The following ENPP2 variants were observed in gnomAD, a reference collection of about 807,000 sequenced individuals.
The protein encoded by ENPP2 is ectonucleotide pyrophosphatase/phosphodiesterase 2, also known as autotaxin.
ENPP2 carries 51 observed loss-of-function variants against 120.2 expected under a neutral mutation model. The ratio of observed to expected loss-of-function variants is 0.42; its 90% CI spans 0.34 to 0.54. ENPP2 has a LOEUF of 0.54. Among genes scored for constraint, ENPP2 ranks in the 20% least tolerant of loss-of-function variants. ENPP2 has a pLI of 0.04. For synonymous variants in ENPP2, 365 were observed against 366.4 expected (o/e 1.00, Z 0.04); for missense variants, 920 against 1,066.5 (o/e 0.86, Z 1.91).
At position 119,590,599 on chromosome 8, in the gene ENPP2, C is replaced by A. The variant is rs1247272844; in HGVS notation, c.1113G>T (p.Glu371Asp). 5 of 1,588,696 alleles carry A rather than the reference C, an allele frequency of 3.1e-6. No individual in the cohort carries two copies. Among genetic ancestry groups the A allele is most frequent in the Non-Finnish European group, 4.3e-6 (5 of 1,166,610 alleles). ...GMEDVTCDRT[E>D]FLSNYLTNVD... ...CATTAGTTAGGTAATTACTCAAGAA[C>A]TCAGTTCTATCACATGTGACATCTT... Residue 371 changes from glutamate to aspartate, a missense_variant, in exon 13 of 25, where the codon GAG becomes GAT. Coordinates refer to ENST00000075322, the MANE Select transcript of ENPP2 (RefSeq NM_001040092.3).
intron 9 of ENPP2, among the ~76,000 whole-genome samples, chr8:119,603,258 A>G (rs1241249388): frequency 6.6e-6 from 1 of 151,796 alleles, no homozygotes; most frequent in Non-Finnish European, 1.5e-5. Flanking sequence ...GAGCCTTTTC[A>G]TTATACTTTA....
At chr8:119,664,974 G>A (rs936927774) in intron 1 of ENPP2, among the ~76,000 whole-genome samples, 2 of 152,180 alleles carry the variant, frequency 1.3e-5, no homozygotes, top group African/African-American at 4.8e-5. Flanking sequence ...TGAGATCAAG[G>A]TGTCGGGCAG....
At chr8:119,653,352 G>A (rs571850663) in intron 1 of ENPP2, among the ~76,000 whole-genome samples, 30 of 152,290 alleles carry the variant, frequency 2.0e-4, no homozygotes, top group African/African-American at 6.3e-4. Context: ...AGAAAATAAC[G>A]TCAAGTAGCT....
intron 11 of ENPP2, chr8:119,595,896 C>T (rs1813860524): frequency 6.2e-7 from 1 of 1,613,878 alleles, no homozygotes; most frequent in African/African-American, 1.3e-5. Flanking sequence ...ATGTATTTTT[C>T]TTCTTCTTTT....
At chr8:119,615,782 T>C (rs542409344) in intron 8 of ENPP2, among the ~76,000 whole-genome samples, 1 of 152,304 alleles carries the variant, frequency 6.6e-6, no homozygotes, top group Non-Finnish European at 1.5e-5. Context: ...ACACTTCTCT[T>C]TTTTATTATA....
At chr8:119,623,215 C>T (rs1816030126) in intron 3 of ENPP2, among the ~76,000 whole-genome samples, 1 of 152,074 alleles carries the variant, frequency 6.6e-6, no homozygotes, top group Admixed American at 6.6e-5. Context: ...TCTGTAATCC[C>T]AGCACTTTGG....
At chr8:119,601,785 CT>C (rs1172706261) in intron 9 of ENPP2, among the ~76,000 whole-genome samples, 1 of 152,154 alleles carries the variant, frequency 6.6e-6, no homozygotes, top group Non-Finnish European at 1.5e-5. Context: ...GTCATTTATT[CT>C]GTCGAGCCTT....
chr8:119,577,946 T>C (rs1336893246), intron 19 of ENPP2, among the ~76,000 whole-genome samples: 2 of 152,232 alleles, frequency 1.3e-5, no homozygotes, highest in African/African-American at 2.4e-5. Context: ...GTAACCTTAC[T>C]AACTATAGCT....
intron 2 of ENPP2, among the ~76,000 whole-genome samples, chr8:119,636,452 G>A (rs539589829): frequency 1.8e-3 from 276 of 152,250 alleles, no homozygotes; most frequent in African/African-American, 6.1e-3. Context: ...TGTATTCTAA[G>A]ACTAAGCTTC....
intron 1 of ENPP2, among the ~76,000 whole-genome samples, chr8:119,657,297 T>G (rs910080740): frequency 6.6e-6 from 1 of 152,192 alleles, no homozygotes; most frequent in East Asian, 1.9e-4. Flanking sequence ...CCACATAGTC[T>G]GTGGTAGAGA....
At chr8:119,643,427 T>C (rs541945144), upstream of ENPP2, among the ~76,000 whole-genome samples, 29 of 152,312 alleles carry the variant, frequency 1.9e-4, no homozygotes, top group African/African-American at 6.7e-4. Context: ...GAACAGCATA[T>C]ACCTGTTCAA....
At chr8:119,629,672 A>G (rs1478281900) in intron 2 of ENPP2, among the ~76,000 whole-genome samples, 1 of 152,232 alleles carries the variant, frequency 6.6e-6, no homozygotes, top group African/African-American at 2.4e-5. Flanking sequence ...TTAGAAAATA[A>G]TATTCATTTC....
intron 19 of ENPP2, chr8:119,572,178 T>C: frequency 6.4e-7 from 1 of 1,551,058 alleles, no homozygotes; most frequent in Non-Finnish European, 8.7e-7. Context: ...AACCAAACCT[T>C]TTCTAGGTTC....
chr8:119,609,808 C>G (rs1051464945), intron 8 of ENPP2, among the ~76,000 whole-genome samples: 6 of 152,176 alleles, frequency 3.9e-5, no homozygotes, highest in African/African-American at 1.4e-4. Flanking sequence ...GAAGATTGTA[C>G]TAGGCAATAC....
chr8:119,618,613 C>T, intron 5 of ENPP2: 2 of 249,190 alleles, frequency 8.0e-6, no homozygotes, highest in Non-Finnish European at 7.9e-6. Context: ...AATCTGGGCT[C>T]AATGCAACCT....
rs1337489244 is a variant in ENPP2, at chr8:119,587,193, A to G, written c.1208-118T>C. 5.2e-5 allele frequency: 43 copies of G among 828,390 alleles called. 1 individual carries two copies. The highest frequency in any genetic ancestry group is 8.3e-5 in the Non-Finnish European group (42 of 503,124). The allele number at this position is 828,390 out of a possible 1,614,324, so 51.3% of individuals were successfully genotyped here. A position where few individuals can be genotyped will look rare whatever the true frequency, so the allele number is the denominator to read the frequency against. ...CCATCCCACAGAAGACTATCACTTTAGTGTTTTGTTTGAAAGATAAATAAT... is the reference window on the plus strand; with the variant it reads ...CCATCCCACAGAAGACTATCACTTTGGTGTTTTGTTTGAAAGATAAATAAT... On this transcript the variant is annotated intron_variant, in intron 13 of 24. Transcript: ENST00000075322.
At chr8:119,618,177 TGAGATGAGC>T in intron 5 of ENPP2, 2 of 374,454 alleles carry the variant, frequency 5.3e-6, no homozygotes, top group Admixed American at 7.4e-5. Flanking sequence ...TAGCTTTTTT[TGAGATGAGC>T]TATCAAGGCT....
chr8:119,673,111 T>G, intron 1 of ENPP2: 1 of 684,866 alleles, frequency 1.5e-6, no homozygotes, highest in South Asian at 1.7e-5. Flanking sequence ...TCCAGCTGAG[T>G]GCACGGGAAC....
chr8:119,657,030 C>T (rs932351841), intron 1 of ENPP2, among the ~76,000 whole-genome samples: 16 of 152,084 alleles, frequency 1.1e-4, no homozygotes, highest in Middle Eastern at 3.2e-3. Flanking sequence ...CAGTTTCAAG[C>T]GATTCTCCTG....
Sources: gnomAD v4.1 joint callset for allele counts (sites outside exome capture counted in the v4.1 genomes callset) on GRCh38, gnomAD v4.1.1 for gene constraint, MANE v1.5 for transcripts, NCBI Gene and HGNC (gene_info 2026-07-23, HGNC 2026-07-21) for gene names.